The following RBFOX1 variants were observed in gnomAD, a reference collection of about 807,000 sequenced individuals.
RBFOX1 encodes RNA binding protein fox-1 homolog 1.
RBFOX1 carries 8 observed loss-of-function variants against 57.7 expected under a neutral mutation model. That is an observed-to-expected ratio of 0.14 (90% confidence interval 0.08 to 0.25). The LOEUF (loss-of-function observed/expected upper bound fraction) is 0.25, where lower values mean the gene tolerates loss of function less well. Among genes scored for constraint, RBFOX1 ranks in the 10% least tolerant of loss-of-function variants. The probability of loss-of-function intolerance (pLI) is 1.00; values close to 1 mark genes in which losing one functional copy is unlikely to be tolerated. For synonymous variants in RBFOX1, 326 were observed against 222.4 expected (o/e 1.47, Z -4.15); for missense variants, 611 against 548.5 (o/e 1.11, Z -1.14).
rs182317285 is a variant in RBFOX1 at position 7,211,051 on chromosome 16, A to C, written c.27+158953A>C. ...TGTGGAAGTCAAGATAAGTATGTCA[A>C]AGTATTATGTTGTATACCTTAGATA... is the stretch of plus-strand genomic sequence containing the variant. On this transcript the variant is annotated intron_variant, in intron 4 of 15. Transcript: ENST00000550418. Among the ~76,000 whole-genome samples the C allele has an allele frequency of 1.3e-3, 203 of 151,060 alleles. 3 individuals are homozygous for C. The highest frequency in any genetic ancestry group is 0.012 in the Admixed American group (174 of 15,126).
intron 3 of RBFOX1, among the ~76,000 whole-genome samples, chr16:6,964,471 G>A (rs1297725370): frequency 3.3e-5 from 5 of 152,144 alleles, no homozygotes; most frequent in Non-Finnish European, 7.3e-5. Context: ...TGATGTGTCA[G>A]TGTATATGGT....
chr16:5,470,746 C>T (rs140972808), intron 2 of RBFOX1, among the ~76,000 whole-genome samples: 106 of 152,186 alleles, frequency 7.0e-4, no homozygotes, highest in African/African-American at 2.4e-3. Context: ...GGATTTGAAC[C>T]CTGGTCTGTC....
chr16:6,959,306 T>C lies in RBFOX1; in HGVS notation c.-15-92751T>C, dbSNP rs147542552. On this transcript the variant is annotated intron_variant, in intron 3 of 15. Coordinates refer to ENST00000550418, the MANE Select transcript of RBFOX1 (RefSeq NM_018723.4). ...GAGCCAGTACAGTCATATTAAACTT[T>C]TTCTGTTTTTAATCTCTCAGAAACT... Among the ~76,000 whole-genome samples the C allele has an allele frequency of 3.6e-3, 543 of 152,258 alleles. 4 individuals carry two copies. Among genetic ancestry groups the C allele is most frequent in the Non-Finnish European group, 5.2e-3 (355 of 68,024 alleles).
chr16:6,753,262 G>T (rs1489237883), intron 3 of RBFOX1, among the ~76,000 whole-genome samples: 2 of 152,172 alleles, frequency 1.3e-5, no homozygotes, highest in Admixed American at 1.3e-4. Flanking sequence ...GCCAGTAGTA[G>T]AATATAGGTG....
In RBFOX1 at chr16:6,714,589, A is replaced by G. The variant is rs151260310; in HGVS notation, c.-16+59939A>G. On this transcript the variant is annotated intron_variant, in intron 3 of 15. Transcript: ENST00000550418. The stretch of plus-strand genomic sequence containing the variant: ...GTTCTGCTTTTCCTGCTGCACAGGT[A>G]GGAAATGTGATTTCAGCATCAAGAA... Among the ~76,000 whole-genome samples the G allele has an allele frequency of 8.7e-4, 132 of 152,240 alleles. 1 individual carries two copies. Among genetic ancestry groups the G allele is most frequent in the African/African-American group, 2.7e-3 (111 of 41,542 alleles).
At chr16:5,327,677 A>G (rs907372311) in intron 1 of RBFOX1, among the ~76,000 whole-genome samples, 1 of 152,192 alleles carries the variant, frequency 6.6e-6, no homozygotes, top group Non-Finnish European at 1.5e-5. Context: ...TGGAAACAGA[A>G]TGTAGCAGCA....
At chr16:5,689,803 A>G (rs531412293) in intron 3 of RBFOX1, among the ~76,000 whole-genome samples, 1 of 47,046 alleles carries the variant, frequency 2.1e-5, no homozygotes, top group African/African-American at 3.0e-5. Flanking sequence ...AGAAATACAG[A>G]CCAAAAAAAA....
intron 4 of RBFOX1, among the ~76,000 whole-genome samples, chr16:5,985,824 C>T (rs1314355004): frequency 2.0e-5 from 3 of 152,110 alleles, no homozygotes; most frequent in Non-Finnish European, 2.9e-5. Flanking sequence ...TCTGGGGGCG[C>T]ACAGAAAGGC....
intron 1 of RBFOX1, among the ~76,000 whole-genome samples, chr16:6,031,154 T>G (rs973401137): frequency 1.3e-5 from 2 of 152,170 alleles, no homozygotes; most frequent in African/African-American, 4.8e-5. Flanking sequence ...TTGGGCCACA[T>G]TTAAGCTACG....
intron 3 of RBFOX1, among the ~76,000 whole-genome samples, chr16:5,681,888 G>C (rs75922547): frequency 6.6e-6 from 1 of 152,066 alleles, no homozygotes; most frequent in East Asian, 1.9e-4. Context: ...GAATATGAGT[G>C]GTCTGAGATG....
At chr16:7,320,680 A>G (rs1299532462) in intron 4 of RBFOX1, among the ~76,000 whole-genome samples, 3 of 152,258 alleles carry the variant, frequency 2.0e-5, no homozygotes. Flanking sequence ...TAAGTGAATC[A>G]TCATTTAAAC....
chr16:6,860,576 A>C (rs2058816380), intron 3 of RBFOX1, among the ~76,000 whole-genome samples: 1 of 152,194 alleles, frequency 6.6e-6, no homozygotes, highest in South Asian at 2.1e-4. Flanking sequence ...CACATGAAGG[A>C]GACACATAGA....
intron 2 of RBFOX1, among the ~76,000 whole-genome samples, chr16:6,648,698 G>A (rs2098553170): frequency 6.6e-6 from 1 of 152,056 alleles, no homozygotes; most frequent in Non-Finnish European, 1.5e-5. Context: ...TTTCACTTCA[G>A]GAGAGAAAGG....
intron 3 of RBFOX1, among the ~76,000 whole-genome samples, chr16:6,959,429 C>G (rs563175165): frequency 3.9e-5 from 6 of 152,278 alleles, no homozygotes; most frequent in Middle Eastern, 3.4e-3. Context: ...CTTATCACAG[C>G]AGGGATGAAG....
chr16:6,816,568 C>T (rs1303986186), intron 3 of RBFOX1, among the ~76,000 whole-genome samples: 2 of 151,460 alleles, frequency 1.3e-5, no homozygotes, highest in South Asian at 2.1e-4. Context: ...AGTGAAACCC[C>T]GTCTCTACTA....
intron 2 of RBFOX1, among the ~76,000 whole-genome samples, chr16:6,547,732 T>A (rs1216054801): frequency 6.6e-6 from 1 of 152,024 alleles, no homozygotes; most frequent in Non-Finnish European, 1.5e-5. Flanking sequence ...TACTCTGGGA[T>A]ACATTTCGTT....
At chr16:6,786,450 C>T (rs1028759440) in intron 3 of RBFOX1, among the ~76,000 whole-genome samples, 1 of 152,044 alleles carries the variant, frequency 6.6e-6, no homozygotes, top group East Asian at 1.9e-4. Context: ...AACATTTTTA[C>T]AGGGAAAAAG....
At position 6,605,798 on chromosome 16, in the gene RBFOX1, A is replaced by G. The variant is rs1387490341; in HGVS notation, c.-63-48805A>G. On this transcript the variant is annotated intron_variant, in intron 2 of 15. Coordinates refer to ENST00000550418, the MANE Select transcript of RBFOX1 (RefSeq NM_018723.4). ...ATTATGAAACAACACACGGGAAACT[A>G]TACTTGAAATATGCATCCTGGCAGG... Among the ~76,000 whole-genome samples, 26 of 152,124 alleles carry G rather than the reference A, an allele frequency of 1.7e-4. 1 individual carries two copies. Among genetic ancestry groups the G allele is most frequent in the Admixed American group, 1.6e-3 (25 of 15,276 alleles).
intron 1 of RBFOX1, among the ~76,000 whole-genome samples, chr16:5,382,369 C>G (rs1391551092): frequency 6.7e-6 from 1 of 150,306 alleles, no homozygotes. Flanking sequence ...GCATTTAGTG[C>G]TATGAAATCA....
Sources: gnomAD v4.1 joint callset for allele counts (sites outside exome capture counted in the v4.1 genomes callset) on GRCh38, gnomAD v4.1.1 for gene constraint, MANE v1.5 for transcripts, NCBI Gene and HGNC (gene_info 2026-07-23, HGNC 2026-07-21) for gene names.